Variants in PEX3 observed in about 807,000 individuals in gnomAD.
The protein encoded by PEX3 is peroxin-3.
A neutral mutation model predicts 55.8 loss-of-function variants in PEX3; 30 were observed. That is an observed-to-expected ratio of 0.54 (90% CI 0.40 to 0.73). PEX3 has a LOEUF of 0.73. Ranked by LOEUF, PEX3 falls within the 30% of genes least tolerant of loss-of-function variation. PEX3 has a pLI of 0.00. For missense variants in PEX3, 351 were observed against 432.8 expected (o/e 0.81, Z 1.68); for synonymous variants, 135 against 148.4 (o/e 0.91, Z 0.66).
intron 8 of PEX3, among the ~76,000 whole-genome samples, chr6:143,472,882 A>G (rs1043158402): frequency 7.2e-5 from 11 of 152,386 alleles, no homozygotes; most frequent in African/African-American, 2.4e-4. Flanking sequence ...TTGAGAAACA[A>G]TGTCTAATCC....
intron 1 of PEX3, among the ~76,000 whole-genome samples, chr6:143,452,185 A>G (rs545313876): frequency 6.6e-6 from 1 of 152,330 alleles, no homozygotes; most frequent in Admixed American, 6.5e-5. Context: ...GTGATGCTTG[A>G]AAGTTTGAAA....
At position 143,471,050 on chromosome 6, in the gene PEX3, T is replaced by C. The variant is rs746751659; in HGVS notation, c.421T>C (p.Tyr141His). ...GTTAAACATAATTGGTGGATATATT[T>C]ACCTGGATAATGCAGCAGTTGGCAA... ...VQLNIIGGYI[Y>H]LDNAAVGKNG... The change falls in exon 5 of 12, where the codon TAC becomes CAC. Residue 141 changes from tyrosine (Y) to histidine (H), a missense_variant. Tyr to His is a moderately conservative substitution (Grantham distance 83). Transcript: ENST00000367591. This position sits in a 1 kb window ranked among gnomAD's most constrained non-coding sequence, Gnocchi z 5.4. 1.2e-6 allele frequency: 2 copies of C among 1,613,146 alleles called. No homozygotes were observed. Among genetic ancestry groups the C allele is most frequent in the Non-Finnish European group, 1.7e-6 (2 of 1,179,342 alleles).
At chr6:143,457,373 C>A (rs994091232) in intron 1 of PEX3, among the ~76,000 whole-genome samples, 10 of 152,148 alleles carry the variant, frequency 6.6e-5, no homozygotes, top group African/African-American at 2.4e-4. Flanking sequence ...GGTTATAATA[C>A]ATTAATTGCA....
chr6:143,469,128 A>T (rs895799692), intron 4 of PEX3, among the ~76,000 whole-genome samples: 1 of 152,186 alleles, frequency 6.6e-6, no homozygotes, highest in Non-Finnish European at 1.5e-5. Context: ...TAGTGCTGCA[A>T]TAAACATATG....
rs1195812395 is a variant in PEX3, at chr6:143,488,661, C to T, written c.1039-482C>T. Among the ~76,000 whole-genome samples, 2 of 151,898 alleles carry T rather than the reference C, an allele frequency of 1.3e-5. No homozygotes were observed. The highest frequency in any genetic ancestry group is 4.8e-5 in the African/African-American group (2 of 41,366). ...TTTCTTATCTTCACATTCGCAAATC[C>T]CTTGGGGTGTTAATAACCCTTACAC... On this transcript the variant is annotated intron_variant, in intron 11 of 11. Coordinates refer to ENST00000367591, the MANE Select transcript of PEX3 (RefSeq NM_003630.3). This position sits in a 1 kb window ranked among gnomAD's most constrained non-coding sequence, Gnocchi z 4.9.
rs911252313 is a variant in PEX3, at chr6:143,471,782, T to G, written c.578+171T>G. ...CATTGTGGGATCCATTTTCTTTATCTTTTTTTTTATACAGAGGGGAAAGTT... is the reference window on the plus strand; with the variant it reads ...CATTGTGGGATCCATTTTCTTTATCGTTTTTTTTATACAGAGGGGAAAGTT... On this transcript the variant is annotated intron_variant, in intron 7 of 11. Transcript: ENST00000367591. The surrounding 1 kb of genome is among the most constrained non-coding windows in gnomAD (Gnocchi z 5.4). Among the ~76,000 whole-genome samples the G allele has an allele frequency of 1.0e-5, 1 of 95,398 alleles. No individual in the cohort carries two copies. Among genetic ancestry groups the G allele is most frequent in the Non-Finnish European group, 2.4e-5 (1 of 41,174 alleles). 62.6% of individuals were successfully genotyped at this position (95,398 alleles called of 152,430 possible). A position where few individuals can be genotyped will look rare whatever the true frequency, so the allele number is the denominator to read the frequency against.
In PEX3 at chr6:143,475,452, G is replaced by A. The variant is rs543656020; in HGVS notation, c.818+596G>A. Among the ~76,000 whole-genome samples the A allele has an allele frequency of 6.6e-6, 1 of 152,056 alleles. No individual in the cohort carries two copies. The highest frequency in any genetic ancestry group is 1.5e-5 in the Non-Finnish European group (1 of 68,004). On this transcript the variant is annotated intron_variant, in intron 9 of 11. Coordinates refer to ENST00000367591, the MANE Select transcript of PEX3 (RefSeq NM_003630.3). This position sits in a 1 kb window ranked among gnomAD's most constrained non-coding sequence, Gnocchi z 4.4. ...AGATTGCTTGAGCCTAGGAGTTCAAGACCAGCCTGGGTAACATGGCAAAAA... is the reference window on the plus strand; with the variant it reads ...AGATTGCTTGAGCCTAGGAGTTCAAAACCAGCCTGGGTAACATGGCAAAAA...
At position 143,451,912 on chromosome 6, in the gene PEX3, C is replaced by T. The variant is rs1583999076; in HGVS notation, c.73+797C>T. On this transcript the variant is annotated intron_variant, in intron 1 of 11. Transcript: ENST00000367591. The surrounding 1 kb of genome is among the most constrained non-coding windows in gnomAD (Gnocchi z 4.1). ...AGTTTTGTGAATTATATGAAAAGGA[C>T]ATCTAGGAACTATAAAAGAGGAAAT... Among the ~76,000 whole-genome samples the T allele has an allele frequency of 6.6e-6, 1 of 152,144 alleles. No homozygotes were observed. The highest frequency in any genetic ancestry group is 2.1e-4 in the South Asian group (1 of 4,832).
At chr6:143,480,743 G>A (rs563575267) in intron 10 of PEX3, among the ~76,000 whole-genome samples, 22 of 152,210 alleles carry the variant, frequency 1.4e-4, no homozygotes, top group African/African-American at 5.1e-4. Flanking sequence ...AAAACAAATG[G>A]CTAAGGCCTG....
Position 143,459,856 on chromosome 6 carries a change from G to A in PEX3, c.205+640G>A, listed in dbSNP as rs181622744. ...ATTAAATTTACAGTAGGCAACTATA[G>A]ACCTGTGAGTCGTCCACAATAGTAT... On this transcript the variant is annotated intron_variant, in intron 2 of 11. Coordinates refer to ENST00000367591, the MANE Select transcript of PEX3 (RefSeq NM_003630.3). The surrounding 1 kb of genome is among the most constrained non-coding windows in gnomAD (Gnocchi z 4.2). Among the ~76,000 whole-genome samples, 1 of 152,322 alleles carries A rather than the reference G, an allele frequency of 6.6e-6. No individual in the cohort carries two copies. Among genetic ancestry groups the A allele is most frequent in the African/African-American group, 2.4e-5 (1 of 41,572 alleles).
chr6:143,459,468 C>T lies in PEX3; in HGVS notation c.205+252C>T, dbSNP rs1034810284. ...GGAAGTGAACAACAACAACAAAAAG[C>T]CCCTGACCTTTGGAGTTTATATTCT... On this transcript the variant is annotated intron_variant, in intron 2 of 11. Transcript: ENST00000367591. The surrounding 1 kb of genome is among the most constrained non-coding windows in gnomAD (Gnocchi z 4.2). Among the ~76,000 whole-genome samples, 3 of 152,152 alleles carry T rather than the reference C, an allele frequency of 2.0e-5. No homozygotes were observed. The highest frequency in any genetic ancestry group is 4.8e-5 in the African/African-American group (2 of 41,422).
In PEX3 at chr6:143,464,970, A is replaced by G. The variant is rs1361922240; in HGVS notation, c.287+1973A>G. On this transcript the variant is annotated intron_variant, in intron 3 of 11. Transcript: ENST00000367591. The surrounding 1 kb of genome is among the most constrained non-coding windows in gnomAD (Gnocchi z 5.8). ...TTGCCAACTTCATAACAGCAAATAA[A>G]CAGTTATCACTGTTTTTGATATTTG... Among the ~76,000 whole-genome samples, 1 of 152,004 alleles carries G rather than the reference A, an allele frequency of 6.6e-6. No individual in the cohort carries two copies. The highest frequency in any genetic ancestry group is 1.5e-5 in the Non-Finnish European group (1 of 67,866).
rs1311055017 is a variant in PEX3 at position 143,490,413 on chromosome 6, G to C, written c.*1187G>C. On this transcript the variant is annotated 3_prime_UTR_variant, in exon 12 of 12. Transcript: ENST00000367591. This position sits in a 1 kb window ranked among gnomAD's most constrained non-coding sequence, Gnocchi z 6.0. ...GGCCTGGCTAGGCCTGAAGCTCACT[G>C]CCAGGGAGTTTGTGTCTAGAATGTT... is the stretch of plus-strand genomic sequence containing the variant. The C allele has an allele frequency of 5.3e-6, 1 of 188,586 alleles. No homozygotes were observed. Among genetic ancestry groups the C allele is most frequent in the African/African-American group, 2.4e-5 (1 of 41,774 alleles). 11.7% of individuals were successfully genotyped at this position (188,586 alleles called of 1,614,324 possible).
rs1779749667 is a variant in PEX3 at position 143,450,926 on chromosome 6, A to G, written c.-117A>G. 3.5e-6 allele frequency: 3 copies of G among 863,402 alleles called. No homozygotes were observed. Among genetic ancestry groups the G allele is most frequent in the Non-Finnish European group, 2.0e-6 (1 of 495,608 alleles). 53.5% of individuals were successfully genotyped at this position (863,402 alleles called of 1,614,324 possible). A position where few individuals can be genotyped will look rare whatever the true frequency, so the allele number is the denominator to read the frequency against. ...AAAGTCACGTTTGTGATTTCGGGAG[A>G]GCACAGAACGGGACGACGGCGCTCT... On this transcript the variant is annotated 5_prime_UTR_variant, in exon 1 of 12. Coordinates refer to ENST00000367591, the MANE Select transcript of PEX3 (RefSeq NM_003630.3).
chr6:143,465,279 G>A lies in PEX3; in HGVS notation c.287+2282G>A, dbSNP rs971014638. On this transcript the variant is annotated intron_variant, in intron 3 of 11. Coordinates refer to ENST00000367591, the MANE Select transcript of PEX3 (RefSeq NM_003630.3). This position sits in a 1 kb window ranked among gnomAD's most constrained non-coding sequence, Gnocchi z 4.7. ...TGGAATCTTTTATGTAGATTTTGGA[G>A]TTTTTTAAAAAAAAATAGCATCAGT... Among the ~76,000 whole-genome samples, 1 of 151,556 alleles carries A rather than the reference G, an allele frequency of 6.6e-6. No homozygotes were observed. Among genetic ancestry groups the A allele is most frequent in the African/African-American group, 2.4e-5 (1 of 41,284 alleles).
Position 143,479,213 on chromosome 6 carries a change from A to T in PEX3, c.941+15A>T, listed in dbSNP as rs765717608. The T allele has an allele frequency of 6.3e-7, 1 of 1,589,940 alleles. No homozygotes were observed. The highest frequency in any genetic ancestry group is 1.3e-5 in the African/African-American group (1 of 74,390). ...TCTATGAATAGGTAAGATGACATAT[A>T]AAAATGTTATACTAATGAATGCTCT... is the stretch of plus-strand genomic sequence containing the variant. On this transcript the variant is annotated intron_variant, in intron 10 of 11. Coordinates refer to ENST00000367591, the MANE Select transcript of PEX3 (RefSeq NM_003630.3). This position sits in a 1 kb window ranked among gnomAD's most constrained non-coding sequence, Gnocchi z 4.6.
At chr6:143,473,159 T>A (rs1780098476) in intron 8 of PEX3, among the ~76,000 whole-genome samples, 1 of 152,192 alleles carries the variant, frequency 6.6e-6, no homozygotes, top group Non-Finnish European at 1.5e-5. Flanking sequence ...CAGAATGCCT[T>A]GTTTTCATTG....
Position 143,489,460 on chromosome 6 carries a change from A to T in PEX3, c.*234A>T, listed in dbSNP as rs1250761653. On this transcript the variant is annotated 3_prime_UTR_variant, in exon 12 of 12. Coordinates refer to ENST00000367591, the MANE Select transcript of PEX3 (RefSeq NM_003630.3). The surrounding 1 kb of genome is among the most constrained non-coding windows in gnomAD (Gnocchi z 5.5). ...TATATATACACGTGCAAATATCAGAATTGTTAATAATTTGTTACACATGGA... is the reference window on the plus strand; with the variant it reads ...TATATATACACGTGCAAATATCAGATTTGTTAATAATTTGTTACACATGGA... 9.6e-6 allele frequency: 3 copies of T among 313,128 alleles called. No homozygotes were observed. Among genetic ancestry groups the T allele is most frequent in the African/African-American group, 4.3e-5 (2 of 46,038 alleles). The allele number at this position is 313,128 out of a possible 1,614,324, so 19.4% of individuals were successfully genotyped here. A position where few individuals can be genotyped will look rare whatever the true frequency, so the allele number is the denominator to read the frequency against.
intron 2 of PEX3, among the ~76,000 whole-genome samples, chr6:143,460,263 T>C (rs533111724): frequency 6.6e-6 from 1 of 152,294 alleles, no homozygotes; most frequent in East Asian, 1.9e-4. Context: ...AATTGGAGTA[T>C]GATTTTTAAT....
Sources: allele counts gnomAD v4.1 joint callset (sites outside exome capture counted in the v4.1 genomes callset), GRCh38; gene constraint gnomAD v4.1.1; non-coding constraint Gnocchi (gnomAD v3.1); transcripts MANE v1.5; gene names NCBI Gene and HGNC (gene_info 2026-07-23, HGNC 2026-07-21).